FAM81A: variants seen among roughly 807,000 people sequenced by gnomAD.
The protein encoded by FAM81A is protein FAM81A.
In FAM81A, 19 loss-of-function variants were observed where a neutral mutation model predicts 46.7. The ratio of observed to expected loss-of-function variants is 0.41; its 90% confidence interval spans 0.28 to 0.60. The LOEUF (loss-of-function observed/expected upper bound fraction) is 0.60. FAM81A is among the 20% of genes least tolerant of loss of function. FAM81A has a pLI of 0.34. For synonymous variants in FAM81A, 183 were observed against 152.9 expected (o/e 1.20, Z -1.45); for missense variants, 377 against 453.5 (o/e 0.83, Z 1.53).
intron 2 of FAM81A, among the ~76,000 whole-genome samples, chr15:59,412,708 C>A (rs1003885317): frequency 1.2e-5 from 1 of 85,990 alleles, no homozygotes; most frequent in Non-Finnish European, 2.4e-5. Flanking sequence ...GCCTGGGTGA[C>A]CCTGTCACAG....
intron 4 of FAM81A, among the ~76,000 whole-genome samples, chr15:59,501,227 T>G (rs2082087449): frequency 1.3e-5 from 2 of 152,288 alleles, no homozygotes; most frequent in Non-Finnish European, 1.5e-5. Context: ...TCAGTACAGT[T>G]TGGGAAATGG....
chr15:59,471,527 A>G (rs921896628), intron 3 of FAM81A, among the ~76,000 whole-genome samples: 3 of 151,752 alleles, frequency 2.0e-5, no homozygotes, highest in Non-Finnish European at 2.9e-5. Context: ...CAGTGGTGCA[A>G]TCATAACTCA....
chr15:59,496,594 G>A (rs567656190), intron 4 of FAM81A, among the ~76,000 whole-genome samples: 19 of 151,544 alleles, frequency 1.3e-4, no homozygotes, highest in African/African-American at 4.6e-4. Context: ...AACATAGCAA[G>A]ACTCTATCTC....
At chr15:59,481,747 CT>C (rs751229107) in intron 3 of FAM81A, among the ~76,000 whole-genome samples, 16 of 151,726 alleles carry the variant, frequency 1.1e-4, no homozygotes, top group Non-Finnish European at 2.1e-4. Context: ...ACTAGAGTTA[CT>C]GGGTCAAAGG....
At chr15:59,413,449 C>T (rs1290747344) in intron 2 of FAM81A, among the ~76,000 whole-genome samples, 1 of 151,028 alleles carries the variant, frequency 6.6e-6, no homozygotes, top group Non-Finnish European at 1.5e-5. Context: ...CACACACACA[C>T]ACACACACAC....
chr15:59,493,711 C>G (rs1039730372), intron 4 of FAM81A, among the ~76,000 whole-genome samples: 2 of 152,114 alleles, frequency 1.3e-5, no homozygotes, highest in Non-Finnish European at 2.9e-5. Context: ...CCTCAGCCTC[C>G]CGAGTAGCTG....
chr15:59,481,862 A>G (rs1196946375), intron 3 of FAM81A, among the ~76,000 whole-genome samples: 1 of 151,776 alleles, frequency 6.6e-6, no homozygotes, highest in Non-Finnish European at 1.5e-5. Flanking sequence ...AGGCAAGCAG[A>G]AGATGCTGAA....
chr15:59,478,665 C>G (rs1038686019), intron 3 of FAM81A, among the ~76,000 whole-genome samples: 1 of 152,188 alleles, frequency 6.6e-6, no homozygotes, highest in African/African-American at 2.4e-5. Flanking sequence ...TGTTTTCATT[C>G]TACCCACTAG....
chr15:59,455,088 A>G (rs1413846918), intron 1 of FAM81A, among the ~76,000 whole-genome samples: 1 of 141,704 alleles, frequency 7.1e-6, no homozygotes, highest in East Asian at 2.0e-4. Flanking sequence ...TTTTGTAGAG[A>G]TGGCATTTCA....
At chr15:59,521,140 T>A in intron 8 of FAM81A, 114 bp from the exon 9 acceptor site, 1 of 1,179,914 alleles carries the variant, frequency 8.5e-7, no homozygotes, top group Non-Finnish European at 1.2e-6. Flanking sequence ...ATCCCAGAGG[T>A]TTTAGCATCT....
intron 2 of FAM81A, among the ~76,000 whole-genome samples, chr15:59,420,438 A>G (rs1463624590): frequency 6.6e-6 from 1 of 152,242 alleles, no homozygotes; most frequent in African/African-American, 2.4e-5. Flanking sequence ...GAAGCTAAAT[A>G]GCAACTGATA....
Position 59,521,389 on chromosome 15 carries a change from G to A in FAM81A, c.*11G>A, listed in dbSNP as rs776069232. 2 of 1,598,464 alleles carry A rather than the reference G, an allele frequency of 1.3e-6. No homozygotes were observed. Among genetic ancestry groups the A allele is most frequent in the Non-Finnish European group, 1.7e-6 (2 of 1,172,178 alleles). On this transcript the variant is annotated 3_prime_UTR_variant, in exon 9 of 9. Coordinates refer to ENST00000288228, the MANE Select transcript of FAM81A (RefSeq NM_152450.3). ...GAGACCCCCATGTGAAGGGAGCTGGGACAAGGTCCTAAAAGACAGTTTTGC... is the reference window on the plus strand; with the variant it reads ...GAGACCCCCATGTGAAGGGAGCTGGAACAAGGTCCTAAAAGACAGTTTTGC...
intron 6 of FAM81A, among the ~76,000 whole-genome samples, chr15:59,510,618 A>C (rs1393835558): frequency 6.6e-6 from 1 of 151,794 alleles, no homozygotes; most frequent in African/African-American, 2.4e-5. Context: ...CAGACAAATA[A>C]GAACTCAAAG....
At chr15:59,496,902 G>T (rs2082039920) in intron 4 of FAM81A, among the ~76,000 whole-genome samples, 1 of 152,096 alleles carries the variant, frequency 6.6e-6, no homozygotes, top group African/African-American at 2.4e-5. Context: ...AAGGCGGGTG[G>T]ATCTCCTGAG....
At chr15:59,403,818 AT>A (rs1320811248) in intron 2 of FAM81A, among the ~76,000 whole-genome samples, 1 of 151,032 alleles carries the variant, frequency 6.6e-6, no homozygotes, top group African/African-American at 2.4e-5. Flanking sequence ...CTTAATAAAC[AT>A]TTTTTTTCAG....
At chr15:59,476,230 T>TC (rs2081766348) in intron 3 of FAM81A, among the ~76,000 whole-genome samples, 1 of 152,052 alleles carries the variant, frequency 6.6e-6, no homozygotes, top group East Asian at 1.9e-4. Flanking sequence ...CTACAATTTT[T>TC]TTTTTTTTTT....
rs750798889 is a variant in FAM81A, at chr15:59,492,407, G to A, written c.413+18G>A. On this transcript the variant is annotated intron_variant, in intron 4 of 8. Coordinates refer to ENST00000288228, the MANE Select transcript of FAM81A (RefSeq NM_152450.3). ...GTGGCAAGGTAGGTGTTCAAATGTT[G>A]GGGTCTCTGCTCATCAAAAACCATT... The A allele has an allele frequency of 4.4e-6, 7 of 1,597,410 alleles. No homozygotes were observed. The highest frequency in any genetic ancestry group is 6.0e-6 in the Non-Finnish European group (7 of 1,167,692).
At chr15:59,518,613 G>A (rs762744047) in intron 8 of FAM81A, among the ~76,000 whole-genome samples, 98 of 151,998 alleles carry the variant, frequency 6.4e-4, no homozygotes, top group Non-Finnish European at 5.9e-5. Flanking sequence ...GGTGTGAGCC[G>A]CTGCCTGGTT....
upstream of FAM81A, among the ~76,000 whole-genome samples, chr15:59,433,874 C>G (rs1400272504): frequency 3.3e-5 from 5 of 152,000 alleles, no homozygotes; most frequent in Non-Finnish European, 4.4e-5. Context: ...ACCTTTGGGA[C>G]CTTTTGAGTC....
Sources: gnomAD v4.1 joint callset for allele counts (sites outside exome capture counted in the v4.1 genomes callset) on GRCh38, gnomAD v4.1.1 for gene constraint, MANE v1.5 for transcripts, NCBI Gene and HGNC (gene_info 2026-07-23, HGNC 2026-07-21) for gene names.